Variants in PNPLA1 observed in about 807,000 individuals in gnomAD.
PNPLA1 encodes the protein omega-hydroxyceramide transacylase.
In PNPLA1, 36 loss-of-function variants were observed where a neutral mutation model predicts 51.7. That is an observed-to-expected ratio of 0.70 (90% CI 0.53 to 0.92). The LOEUF is 0.92. Ranked by LOEUF, PNPLA1 falls within the 40% of genes least tolerant of loss-of-function variation. The pLI, the probability that PNPLA1 is intolerant of heterozygous loss-of-function variation, is 0.00. For synonymous variants in PNPLA1, 293 were observed against 280.1 expected, an observed-to-expected ratio of 1.05 and a Z score of -0.46; for missense variants, 658 against 682.5, an observed-to-expected ratio of 0.96 and a Z score of 0.40.
intron 1 of PNPLA1, among the ~76,000 whole-genome samples, chr6:36,246,713 C>T (rs1582017941): frequency 6.6e-6 from 1 of 152,156 alleles, no homozygotes; most frequent in Non-Finnish European, 1.5e-5. Flanking sequence ...ATTCGAGCTC[C>T]GTCCTTTTGC....
At chr6:36,305,222 C>T (rs779759956) in intron 6 of PNPLA1, among the ~76,000 whole-genome samples, 14 of 152,218 alleles carry the variant, frequency 9.2e-5, no homozygotes, top group Non-Finnish European at 1.8e-4. Context: ...GCTATCATTA[C>T]TGTTAGTGTA....
intron 1 of PNPLA1, among the ~76,000 whole-genome samples, chr6:36,281,521 A>G (rs1412953205): frequency 6.6e-6 from 1 of 152,146 alleles, no homozygotes; most frequent in Non-Finnish European, 1.5e-5. Context: ...CTATATTTAT[A>G]CTCACTTTAC....
intron 1 of PNPLA1, among the ~76,000 whole-genome samples, chr6:36,263,074 G>A (rs571561004): frequency 2.7e-4 from 41 of 152,272 alleles, no homozygotes; most frequent in Middle Eastern, 3.4e-3. Flanking sequence ...TGGTCAAATC[G>A]TTTAAAATAA....
intron 1 of PNPLA1, among the ~76,000 whole-genome samples, chr6:36,286,155 A>T (rs1212399694): frequency 1.3e-5 from 2 of 152,236 alleles, no homozygotes; most frequent in Non-Finnish European, 2.9e-5. Flanking sequence ...TAATCCAGTA[A>T]GGTAGGTATT....
chr6:36,300,178 T>TGTGTGTGTGAGAGAGAGAGA, intron 5 of PNPLA1, among the ~76,000 whole-genome samples: 69 of 98,134 alleles, frequency 7.0e-4, no homozygotes, highest in Admixed American at 1.6e-3. Flanking sequence ...TGTGTGTGTG[T>TGTGTGTGTGAGAGAGAGAGA]GAGAGAGAGA....
chr6:36,280,488 A>G (rs1770246797), intron 1 of PNPLA1, among the ~76,000 whole-genome samples: 1 of 152,080 alleles, frequency 6.6e-6, no homozygotes. Context: ...TTCATTTTTT[A>G]TGGGAGGCTG....
rs752375866 is a variant in PNPLA1, at chr6:36,270,193, C to T, written c.-267C>T. On this transcript the variant is annotated 5_prime_UTR_variant, in exon 1 of 9. Transcript: ENST00000636260. ...GTGGGGGGCTCACAGGACCAAGACCCTGCTCACACACCGGGGGAGCCTTCT... is the reference window on the plus strand; with the variant it reads ...GTGGGGGGCTCACAGGACCAAGACCTTGCTCACACACCGGGGGAGCCTTCT... 2.0e-5 allele frequency among the ~76,000 whole-genome samples: 3 copies of T among 152,354 alleles called. No homozygotes were observed. The highest frequency in any genetic ancestry group is 2.1e-4 in the South Asian group (1 of 4,828).
Position 36,294,305 on chromosome 6 carries a change from T to A in PNPLA1, c.620T>A (p.Ile207Asn). The change falls in exon 4 of 9, where the codon ATC (isoleucine) becomes AAC (asparagine). Residue 207 changes from isoleucine (I) to asparagine (N), a missense_variant. Transcript: ENST00000636260. This position sits in a 1 kb window ranked among gnomAD's most constrained non-coding sequence, Gnocchi z 4.2. ...QDICPRDCPA[I>N]FHDFRMFNCS... Reference sequence around the variant, plus strand: ...ATCTGTCCCCGGGACTGCCCGGCCATCTTCCACGACTTCCGCATGTTCAAC... The same window carrying A: ...ATCTGTCCCCGGGACTGCCCGGCCAACTTCCACGACTTCCGCATGTTCAAC... 6.2e-7 allele frequency: 1 copy of A among 1,614,200 alleles called. No individual in the cohort carries two copies. Among genetic ancestry groups the A allele is most frequent in the Non-Finnish European group, 8.5e-7 (1 of 1,180,030 alleles).
In PNPLA1 at chr6:36,297,865, T is replaced by TACACACACACACACACAC. The variant is rs112771131; in HGVS notation, c.775+2448_775+2465dup. On this transcript the variant is annotated intron_variant, in intron 5 of 8. Coordinates refer to ENST00000636260, the MANE Select transcript of PNPLA1 (RefSeq NM_001374623.1). ...TTTGGTAAGTGACTCTGTCTCTCTGTACACACACACACACACACACACACC... is the reference window on the plus strand; with the variant it reads ...TTTGGTAAGTGACTCTGTCTCTCTGTACACACACACACACACACACACACACACACACACACACACACC... Among the ~76,000 whole-genome samples the TACACACACACACACACAC allele has an allele frequency of 8.3e-4, 111 of 133,838 alleles. 1 individual carries two copies. The highest frequency in any genetic ancestry group is 2.6e-3 in the African/African-American group (106 of 40,028). 87.8% of individuals were successfully genotyped at this position (133,838 alleles called of 152,430 possible).
chr6:36,261,223 G>T (rs1013355224), intron 1 of PNPLA1, among the ~76,000 whole-genome samples: 1 of 152,206 alleles, frequency 6.6e-6, no homozygotes, highest in African/African-American at 2.4e-5. Flanking sequence ...GGACACTTAG[G>T]TTGTTTCCAG....
intron 1 of PNPLA1, among the ~76,000 whole-genome samples, chr6:36,273,601 A>C (rs1582050715): frequency 6.6e-6 from 1 of 151,966 alleles, no homozygotes; most frequent in East Asian, 1.9e-4. Flanking sequence ...ATGTCATCTT[A>C]AAATACAGCA....
chr6:36,292,294 C>T (rs1278729514), intron 2 of PNPLA1, among the ~76,000 whole-genome samples: 1 of 152,138 alleles, frequency 6.6e-6, no homozygotes, highest in East Asian at 1.9e-4. Flanking sequence ...CCACCTCCGT[C>T]CCTCAGGCCC....
chr6:36,289,614 A>G (rs867359329), intron 1 of PNPLA1, among the ~76,000 whole-genome samples: 1,516 of 32,924 alleles, frequency 0.046, 21 homozygotes, highest in African/African-American at 0.18. Context: ...GAAGGTTCGA[A>G]AAAAAAAAAG....
intron 1 of PNPLA1, among the ~76,000 whole-genome samples, chr6:36,259,731 G>A (rs959663501): frequency 1.6e-4 from 25 of 152,080 alleles, no homozygotes; most frequent in African/African-American, 6.0e-4. Flanking sequence ...ATTAACTCAG[G>A]AACAGAAAAC....
chr6:36,291,571 GAGGGA>G lies in PNPLA1; in HGVS notation c.438+20_438+24del. 3.1e-6 allele frequency: 3 copies of G among 981,962 alleles called. No individual in the cohort carries two copies. The highest frequency in any genetic ancestry group is 1.4e-5 in the South Asian group (1 of 71,250). The allele number at this position is 981,962 out of a possible 1,614,324, so 60.8% of individuals were successfully genotyped here. On this transcript the variant is annotated intron_variant, in intron 2 of 8. Transcript: ENST00000636260. Reference sequence around the variant, plus strand: ...CATTGAGGCAAGGGGGCTGGGCTGGGAGGGAGGGACACGGAGGGGGCGGGGGAGGG... The same window carrying G: ...CATTGAGGCAAGGGGGCTGGGCTGGGGGGACACGGAGGGGGCGGGGGAGGG...
At chr6:36,265,520 C>A (rs564854683), upstream of PNPLA1, among the ~76,000 whole-genome samples, 24 of 152,272 alleles carry the variant, frequency 1.6e-4, no homozygotes, top group African/African-American at 5.3e-4. Flanking sequence ...CCTACGATAA[C>A]AAAGTATCTA....
At chr6:36,281,242 G>A (rs975601946) in intron 1 of PNPLA1, among the ~76,000 whole-genome samples, 4 of 152,186 alleles carry the variant, frequency 2.6e-5, no homozygotes, top group African/African-American at 7.2e-5. Context: ...GGGTGTGTAC[G>A]TGTATATGTT....
In PNPLA1 at chr6:36,295,501, AGGGGTATTCCCCCCAGATTTGTGACCC is replaced by A. The variant is rs1313004387; in HGVS notation, c.775+80_775+106del. 1.2e-5 allele frequency: 17 copies of A among 1,452,344 alleles called. No homozygotes were observed. In the East Asian group the frequency reaches 3.4e-4, roughly 29 times the overall value. The allele number at this position is 1,452,344 out of a possible 1,614,324, so 90.0% of individuals were successfully genotyped here. ...TTCAAACAGTAGAAGGGCTGAATGG[AGGGGTATTCCCCCCAGATTTGTGACCC>A]GGAGACGCCCTTCACCTGGGAGAGC... is the stretch of plus-strand genomic sequence containing the variant. On this transcript the variant is annotated intron_variant, in intron 5 of 8. Transcript: ENST00000636260.
intron 2 of PNPLA1, 27 bp downstream of exon 2, chr6:36,291,579 G>GCA: frequency 9.6e-6 from 1 of 103,654 alleles, no homozygotes; most frequent in Non-Finnish European, 2.0e-5. Context: ...GGGAGGGAGG[G>GCA]ACACGGAGGG....
Sources: allele counts gnomAD v4.1 joint callset (sites outside exome capture counted in the v4.1 genomes callset), GRCh38; gene constraint gnomAD v4.1.1; non-coding constraint Gnocchi (gnomAD v3.1); transcripts MANE v1.5; gene names NCBI Gene and HGNC (gene_info 2026-07-23, HGNC 2026-07-21).